The following SPATS2 variants were observed in gnomAD, a reference collection of about 807,000 sequenced individuals.
SPATS2 encodes the protein spermatogenesis associated serine rich 2.
SPATS2 carries 38 observed loss-of-function variants against 63.7 expected under a neutral mutation model. The observed-to-expected ratio is 0.60, with a 90% CI of 0.46 to 0.78. The LOEUF is 0.78. Ranked by LOEUF, SPATS2 falls within the 30% of genes least tolerant of loss-of-function variation. The probability of loss-of-function intolerance (pLI) is 0.00; values close to 1 mark genes in which losing one functional copy is unlikely to be tolerated. For missense variants in SPATS2, 588 were observed against 666.2 expected (o/e 0.88, Z 1.29); for synonymous variants, 207 against 232.9 (o/e 0.89, Z 1.01).
intron 3 of SPATS2, among the ~76,000 whole-genome samples, chr12:49,476,036 A>G (rs1306686818): frequency 1.3e-5 from 2 of 152,142 alleles, no homozygotes; most frequent in African/African-American, 4.8e-5. Flanking sequence ...TCCTGGGCCT[A>G]AGACCTAGGT....
chr12:49,490,753 A>G, intron 6 of SPATS2, 22 bp downstream of exon 6: 6 of 1,610,040 alleles, frequency 3.7e-6, no homozygotes, highest in Non-Finnish European at 4.2e-6. Context: ...TACATTTAAA[A>G]GCATGATGAT....
Position 49,400,821 on chromosome 12 carries a change from G to A in SPATS2, c.-244+29531G>A, listed in dbSNP as rs137998179. Among the ~76,000 whole-genome samples, 5 of 152,312 alleles carry A rather than the reference G, an allele frequency of 3.3e-5. No individual in the cohort carries two copies. The East Asian group carries it at 9.6e-4, about 29-fold the overall frequency. ...ATGCTGAGCTAAGAGACCATTTGAA[G>A]TTAGCTGTTGTGAATTTTATGTGAG... On this transcript the variant is annotated intron_variant, in intron 2 of 13. Coordinates refer to ENST00000552918, the MANE Select transcript of SPATS2 (RefSeq NM_023071.4).
chr12:49,391,685 C>T (rs150265134), intron 2 of SPATS2, among the ~76,000 whole-genome samples: 34 of 152,148 alleles, frequency 2.2e-4, no homozygotes, highest in African/African-American at 7.9e-4. Flanking sequence ...ATATTATACT[C>T]ATTTATATTG....
At position 49,497,103 on chromosome 12, in the gene SPATS2, G is replaced by A. The variant is rs1030279479; in HGVS notation, c.703+94G>A. The stretch of plus-strand genomic sequence containing the variant: ...CTCTGTTGCCATAAATAAGGTTTCA[G>A]AAGGGCATCAGTTAATATTTTTCCA... On this transcript the variant is annotated intron_variant, in intron 8 of 13. Coordinates refer to ENST00000552918, the MANE Select transcript of SPATS2 (RefSeq NM_023071.4). 6 of 1,252,302 alleles carry A rather than the reference G, an allele frequency of 4.8e-6. No individual in the cohort carries two copies. In the African/African-American group the frequency reaches 9.1e-5, roughly 19 times the overall value. 77.6% of individuals were successfully genotyped at this position (1,252,302 alleles called of 1,614,324 possible).
chr12:49,369,277 T>G (rs1311658318), intron 1 of SPATS2, among the ~76,000 whole-genome samples: 1 of 152,108 alleles, frequency 6.6e-6, no homozygotes, highest in African/African-American at 2.4e-5. Context: ...TCCATCTGAC[T>G]TGGCCTCCCA....
chr12:49,468,319 C>A (rs1198118363), intron 3 of SPATS2, among the ~76,000 whole-genome samples: 1 of 151,752 alleles, frequency 6.6e-6, no homozygotes, highest in Non-Finnish European at 1.5e-5. Flanking sequence ...ACCACCATGC[C>A]CAGCTAATTT....
At chr12:49,373,841 C>G (rs998909878) in intron 2 of SPATS2, among the ~76,000 whole-genome samples, 40 of 152,100 alleles carry the variant, frequency 2.6e-4, no homozygotes, top group African/African-American at 9.2e-4. Context: ...ATTGCTTGAA[C>G]CCAGGAAGCA....
At chr12:49,367,404 G>C (rs1943917124), upstream of SPATS2, 1 of 396,964 alleles carries the variant, frequency 2.5e-6, no homozygotes, top group Non-Finnish European at 4.4e-6. Context: ...GAAGTGGGGA[G>C]GCGGCGGTGG....
At chr12:49,412,075 A>G (rs1299185751) in intron 2 of SPATS2, among the ~76,000 whole-genome samples, 1 of 152,164 alleles carries the variant, frequency 6.6e-6, no homozygotes, top group Admixed American at 6.5e-5. Context: ...AATAGTGGTT[A>G]TTATATGTTA....
rs139223549 is a variant in SPATS2 at position 49,417,111 on chromosome 12, C to T, written c.-243-43659C>T. ...AAAAACCTCTTTTCTTCAGTAGGGA[C>T]AGGACCTGGGAACTTTGGACTGACA... On this transcript the variant is annotated intron_variant, in intron 2 of 13. Transcript: ENST00000552918. Among the ~76,000 whole-genome samples, 125 of 152,308 alleles carry T rather than the reference C, an allele frequency of 8.2e-4. 1 individual carries two copies. Among genetic ancestry groups the T allele is most frequent in the African/African-American group, 2.7e-3 (113 of 41,562 alleles).
chr12:49,403,572 G>A (rs1944642550), intron 2 of SPATS2, among the ~76,000 whole-genome samples: 1 of 150,088 alleles, frequency 6.7e-6, no homozygotes, highest in South Asian at 2.1e-4. Context: ...AGGTTGCAGT[G>A]AGCCGAGATC....
chr12:49,371,065 T>A (rs1943989731), intron 1 of SPATS2, among the ~76,000 whole-genome samples, 163 bp from the exon 2 acceptor site: 1 of 152,178 alleles, frequency 6.6e-6, no homozygotes, highest in Non-Finnish European at 1.5e-5. Flanking sequence ...AACAAAAAAT[T>A]TAGCGTTTTA....
At chr12:49,367,003 G>A (rs1243988329), upstream of SPATS2, 1 of 151,590 alleles carries the variant, frequency 6.6e-6, no homozygotes, top group Admixed American at 6.6e-5. Context: ...CCCTCTCCCC[G>A]AGTCTCTTCC....
chr12:49,517,456 A>G (rs1344027092), intron 10 of SPATS2, among the ~76,000 whole-genome samples: 3 of 152,230 alleles, frequency 2.0e-5, no homozygotes, highest in Non-Finnish European at 4.4e-5. Context: ...AGTGTGTTAC[A>G]GGATTCTATG....
intron 3 of SPATS2, chr12:49,462,545 G>A: frequency 1.5e-6 from 1 of 668,796 alleles, no homozygotes. Flanking sequence ...CAAAGGGCCA[G>A]TGTGACAGCC....
chr12:49,473,112 T>C (rs1946065757), intron 3 of SPATS2, among the ~76,000 whole-genome samples: 1 of 148,618 alleles, frequency 6.7e-6, no homozygotes, highest in Admixed American at 6.7e-5. Context: ...GCAAAGAGTG[T>C]ATGGGGAACA....
rs869230532 is a variant in SPATS2 at position 49,516,166 on chromosome 12, AATATATATATATATATATAT to A, written c.898+1577_898+1596del. Reference sequence around the variant, plus strand: ...AAAAAAAAAAAAAAAAAAAAAAAAAAATATATATATATATATATATATATATATATATATATATATATAAA... The same window carrying A: ...AAAAAAAAAAAAAAAAAAAAAAAAAAATATATATATATATATATATATAAA... On this transcript the variant is annotated intron_variant, in intron 10 of 13. Transcript: ENST00000552918. Among the ~76,000 whole-genome samples the A allele has an allele frequency of 5.8e-4, 18 of 30,820 alleles. 1 individual carries two copies. The East Asian group carries it at 0.013, about 23-fold the overall frequency. 20.2% of individuals were successfully genotyped at this position (30,820 alleles called of 152,430 possible).
intron 2 of SPATS2, among the ~76,000 whole-genome samples, chr12:49,418,848 C>A (rs1246439376): frequency 6.6e-6 from 1 of 152,132 alleles, no homozygotes; most frequent in Admixed American, 6.6e-5. Context: ...TGAGAAGAAT[C>A]AGAAAACAAA....
chr12:49,482,199 G>A (rs2137820017), intron 3 of SPATS2, among the ~76,000 whole-genome samples: 1 of 152,252 alleles, frequency 6.6e-6, no homozygotes, highest in South Asian at 2.1e-4. Context: ...GAATATAAAT[G>A]CAAAATTGTC....
Sources: gnomAD v4.1 joint callset for allele counts (sites outside exome capture counted in the v4.1 genomes callset) on GRCh38, gnomAD v4.1.1 for gene constraint, MANE v1.5 for transcripts, NCBI Gene and HGNC (gene_info 2026-07-23, HGNC 2026-07-21) for gene names.